Variants in CCDC85B observed in about 807,000 individuals in gnomAD.
CCDC85B encodes the protein coiled-coil domain-containing protein 85B.
In CCDC85B, 8 loss-of-function variants were observed where a neutral mutation model predicts 13.6. The ratio of observed to expected loss-of-function variants is 0.59; its 90% CI spans 0.35 to 1.06. The LOEUF is 1.06. Among genes scored for constraint, CCDC85B ranks in the 50% least tolerant of loss-of-function variants. The pLI, the probability that CCDC85B is intolerant of heterozygous loss-of-function variation, is 0.02. For missense variants in CCDC85B, 217 were observed against 285.9 expected (o/e 0.76, Z 1.74); for synonymous variants, 118 against 135.9 (o/e 0.87, Z 0.92).
chr11:65,891,573 A>G lies in CCDC85B; in HGVS notation c.*181A>G, dbSNP rs1311258225. The G allele has an allele frequency of 1.2e-5, 8 of 666,936 alleles. No individual in the cohort carries two copies. The highest frequency in any genetic ancestry group is 1.6e-5 in the Non-Finnish European group (7 of 432,110). The allele number at this position is 666,936 out of a possible 1,614,324, so 41.3% of individuals were successfully genotyped here. A position where few individuals can be genotyped will look rare whatever the true frequency, so the allele number is the denominator to read the frequency against. On this transcript the variant is annotated 3_prime_UTR_variant, in exon 1 of 1. Coordinates refer to ENST00000312579, the MANE Select transcript of CCDC85B (RefSeq NM_006848.3). This position sits in a 1 kb window ranked among gnomAD's most constrained non-coding sequence, Gnocchi z 7.3. Reference sequence around the variant, plus strand: ...GCTGGCAGGGCAGCAGGGGGACTGAAGGCTGGAGCGGAGGGACTTGCTGGG... The same window carrying G: ...GCTGGCAGGGCAGCAGGGGGACTGAGGGCTGGAGCGGAGGGACTTGCTGGG...
At position 65,890,739 on chromosome 11, in the gene CCDC85B, G is replaced by A; in HGVS notation, c.-45G>A. 1.5e-6 allele frequency: 2 copies of A among 1,370,040 alleles called. No homozygotes were observed. The highest frequency in any genetic ancestry group is 1.9e-6 in the Non-Finnish European group (2 of 1,069,188). The allele number at this position is 1,370,040 out of a possible 1,614,324, so 84.9% of individuals were successfully genotyped here. A position where few individuals can be genotyped will look rare whatever the true frequency, so the allele number is the denominator to read the frequency against. ...GCGCCGGGCCCGACGTGGGGCTCCTGGGCCGCGGCGGCGGGCGGGCGATGC... is the reference window on the plus strand; with the variant it reads ...GCGCCGGGCCCGACGTGGGGCTCCTAGGCCGCGGCGGCGGGCGGGCGATGC... On this transcript the variant is annotated 5_prime_UTR_variant, in exon 1 of 1. Transcript: ENST00000312579.
In CCDC85B at chr11:65,890,778, C is replaced by G. The variant is rs1488259328; in HGVS notation, c.-6C>G. 4.1e-6 allele frequency: 6 copies of G among 1,462,304 alleles called. No homozygotes were observed. Among genetic ancestry groups the G allele is most frequent in the Non-Finnish European group, 5.4e-6 (6 of 1,115,790 alleles). 90.6% of individuals were successfully genotyped at this position (1,462,304 alleles called of 1,614,324 possible). Reference sequence around the variant, plus strand: ...GGCGGGCGATGCTCCAGAGGCCTGACCAGCCATGGAGGCCGAGGCAGGCGG... The same window carrying G: ...GGCGGGCGATGCTCCAGAGGCCTGAGCAGCCATGGAGGCCGAGGCAGGCGG... On this transcript the variant is annotated 5_prime_UTR_variant, in exon 1 of 1. Transcript: ENST00000312579.
Position 65,891,440 on chromosome 11 carries a change from C to T in CCDC85B, c.*48C>T, listed in dbSNP as rs759013529. On this transcript the variant is annotated 3_prime_UTR_variant, in exon 1 of 1. Transcript: ENST00000312579. This position sits in a 1 kb window ranked among gnomAD's most constrained non-coding sequence, Gnocchi z 7.3. ...ACGCCCGCCCGGATTGCTCCCCGAG[C>T]CCCGGGACCGCTGTGGACCTCGGGA... 1.2e-5 allele frequency: 18 copies of T among 1,510,354 alleles called. No individual in the cohort carries two copies. In the African/African-American group the frequency reaches 2.5e-4, roughly 21 times the overall value. The allele number at this position is 1,510,354 out of a possible 1,614,324, so 93.6% of individuals were successfully genotyped here. A position where few individuals can be genotyped will look rare whatever the true frequency, so the allele number is the denominator to read the frequency against.
Position 65,890,733 on chromosome 11 carries a change from G to T in CCDC85B, c.-51G>T. On this transcript the variant is annotated 5_prime_UTR_variant, in exon 1 of 1. Coordinates refer to ENST00000312579, the MANE Select transcript of CCDC85B (RefSeq NM_006848.3). ...TGAGTGGCGCCGGGCCCGACGTGGG[G>T]CTCCTGGGCCGCGGCGGCGGGCGGG... 7.3e-7 allele frequency: 1 copy of T among 1,361,694 alleles called. No homozygotes were observed. The highest frequency in any genetic ancestry group is 9.4e-7 in the Non-Finnish European group (1 of 1,063,970). 84.4% of individuals were successfully genotyped at this position (1,361,694 alleles called of 1,614,324 possible).
rs922914305 is a variant in CCDC85B, at chr11:65,891,119, C to T, written c.336C>T (p.Asp112=). ...GTQASRAVRE[D]LGGCWQKLAE... ...AAGCATCCCGGGCCGTGCGCGAGGA[C>T]CTGGGCGGCTGTTGGCAGAAGCTGG... The change falls in exon 1 of 1, where the codon GAC becomes GAT. Residue 112 remains aspartate (D), a synonymous_variant. Transcript: ENST00000312579. This position sits in a 1 kb window ranked among gnomAD's most constrained non-coding sequence, Gnocchi z 7.3. 5.1e-6 allele frequency: 8 copies of T among 1,571,330 alleles called. No homozygotes were observed. The highest frequency in any genetic ancestry group is 6.0e-6 in the Non-Finnish European group (7 of 1,163,386).
In CCDC85B at chr11:65,890,884, C is replaced by T. The variant is rs997190115; in HGVS notation, c.101C>T (p.Ala34Val). The change falls in exon 1 of 1, where the codon GCG becomes GTG. Residue 34 changes from alanine to valine, a missense_variant. By Grantham distance (64) the Ala-to-Val change is moderately conservative. Transcript: ENST00000312579. ...LVRRLRREEA[A>V]RLAALVQRGR... ...CGGCGCCTGCGGCGGGAGGAGGCGG[C>T]GCGCCTGGCGGCACTGGTGCAGCGC... The T allele has an allele frequency of 2.0e-6, 3 of 1,516,592 alleles. No homozygotes were observed. The highest frequency in any genetic ancestry group is 2.5e-5 in the East Asian group (1 of 39,924). 93.9% of individuals were successfully genotyped at this position (1,516,592 alleles called of 1,614,324 possible). A position where few individuals can be genotyped will look rare whatever the true frequency, so the allele number is the denominator to read the frequency against.
Position 65,891,445 on chromosome 11 carries a change from G to A in CCDC85B, c.*53G>A. ...CGCCCGGATTGCTCCCCGAGCCCCG[G>A]GACCGCTGTGGACCTCGGGACCTGG... On this transcript the variant is annotated 3_prime_UTR_variant, in exon 1 of 1. Transcript: ENST00000312579. This position sits in a 1 kb window ranked among gnomAD's most constrained non-coding sequence, Gnocchi z 7.3. 1 of 1,484,806 alleles carries A rather than the reference G, an allele frequency of 6.7e-7. No individual in the cohort carries two copies. 92.0% of individuals were successfully genotyped at this position (1,484,806 alleles called of 1,614,324 possible). A position where few individuals can be genotyped will look rare whatever the true frequency, so the allele number is the denominator to read the frequency against.
chr11:65,890,707 CT>C lies in CCDC85B; in HGVS notation c.-76del. On this transcript the variant is annotated 5_prime_UTR_variant, in exon 1 of 1. Coordinates refer to ENST00000312579, the MANE Select transcript of CCDC85B (RefSeq NM_006848.3). ...CCGCGTGCGGAGCCGGAGCCCGAGC[CT>C]GAGTGGCGCCGGGCCCGACGTGGGG... The C allele has an allele frequency of 2.2e-6, 3 of 1,339,302 alleles. No homozygotes were observed. Among genetic ancestry groups the C allele is most frequent in the South Asian group, 3.7e-5 (2 of 54,358 alleles). The allele number at this position is 1,339,302 out of a possible 1,614,324, so 83.0% of individuals were successfully genotyped here.
chr11:65,890,967 G>A lies in CCDC85B; in HGVS notation c.184G>A (p.Glu62Lys). The A allele has an allele frequency of 6.5e-7, 1 of 1,532,200 alleles. No individual in the cohort carries two copies. Among genetic ancestry groups the A allele is most frequent in the South Asian group, 1.2e-5 (1 of 83,560 alleles). The allele number at this position is 1,532,200 out of a possible 1,614,324, so 94.9% of individuals were successfully genotyped here. ...GCAGGGCCACCTGGGCGAGATCCGC[G>A]AGCTCAAGCAGCTCAACCGGCGTCT... ...QLQGHLGEIR[E>K]LKQLNRRLQA... Residue 62 changes from glutamate (E) to lysine (K), a missense_variant, in exon 1 of 1, where the codon GAG (glutamate) becomes AAG (lysine). Transcript: ENST00000312579.
rs968335527 is a variant in CCDC85B, at chr11:65,890,674, A to G, written c.-110A>G. ...TGCTGCAGCCTACGCTGCCTCGGCC[A>G]CTGCCTGCCGCGTGCGGAGCCGGAG... On this transcript the variant is annotated 5_prime_UTR_variant, in exon 1 of 1. Transcript: ENST00000312579. 5.2e-5 allele frequency: 64 copies of G among 1,234,910 alleles called. No individual in the cohort carries two copies. The highest frequency in any genetic ancestry group is 6.3e-5 in the Non-Finnish European group (61 of 970,970). The allele number at this position is 1,234,910 out of a possible 1,614,324, so 76.5% of individuals were successfully genotyped here. A position where few individuals can be genotyped will look rare whatever the true frequency, so the allele number is the denominator to read the frequency against.
rs946371208 is a variant in CCDC85B, at chr11:65,891,599, G to A, written c.*207G>A. 1.1e-5 allele frequency: 6 copies of A among 553,212 alleles called. No individual in the cohort carries two copies. The highest frequency in any genetic ancestry group is 1.8e-5 in the Non-Finnish European group (6 of 331,116). The allele number at this position is 553,212 out of a possible 1,614,324, so 34.3% of individuals were successfully genotyped here. The stretch of plus-strand genomic sequence containing the variant: ...GGCTGGAGCGGAGGGACTTGCTGGG[G>A]GTTGGATTGGGGGTAATAAACCCGG... On this transcript the variant is annotated 3_prime_UTR_variant, in exon 1 of 1. Coordinates refer to ENST00000312579, the MANE Select transcript of CCDC85B (RefSeq NM_006848.3). This position sits in a 1 kb window ranked among gnomAD's most constrained non-coding sequence, Gnocchi z 7.3.
chr11:65,891,304 G>T lies in CCDC85B; in HGVS notation c.521G>T (p.Gly174Val). 1.3e-6 allele frequency: 2 copies of T among 1,588,602 alleles called. No homozygotes were observed. Among genetic ancestry groups the T allele is most frequent in the East Asian group, 2.4e-5 (1 of 41,994 alleles). ...CCCGAGCTTGCCTTGCCCCCGTGCG[G>T]GCCCCGCGACCTAGGCGATGGAAGC... The part of the protein sequence containing the change: ...PAPELALPPC[G>V]PRDLGDGSSS... Residue 174 changes from glycine (G) to valine (V), a missense_variant, in exon 1 of 1, where the codon GGG becomes GTG. By Grantham distance (109) the Gly-to-Val change is moderately radical. Transcript: ENST00000312579. This position sits in a 1 kb window ranked among gnomAD's most constrained non-coding sequence, Gnocchi z 7.3.
In CCDC85B at chr11:65,891,454, T is replaced by G; in HGVS notation, c.*62T>G. The G allele has an allele frequency of 1.4e-6, 2 of 1,480,352 alleles. No individual in the cohort carries two copies. The highest frequency in any genetic ancestry group is 9.0e-7 in the Non-Finnish European group (1 of 1,116,730). 91.7% of individuals were successfully genotyped at this position (1,480,352 alleles called of 1,614,324 possible). On this transcript the variant is annotated 3_prime_UTR_variant, in exon 1 of 1. Coordinates refer to ENST00000312579, the MANE Select transcript of CCDC85B (RefSeq NM_006848.3). The surrounding 1 kb of genome is among the most constrained non-coding windows in gnomAD (Gnocchi z 7.3). Reference sequence around the variant, plus strand: ...TGCTCCCCGAGCCCCGGGACCGCTGTGGACCTCGGGACCTGGACGCCGTCC... The same window carrying G: ...TGCTCCCCGAGCCCCGGGACCGCTGGGGACCTCGGGACCTGGACGCCGTCC...
Position 65,891,216 on chromosome 11 carries a change from G to A in CCDC85B, c.433G>A (p.Gly145Ser). Reference protein sequence around the residue: ...LALKELCLALGEEWGPRGGPS... With the variant: ...LALKELCLALSEEWGPRGGPS... ...GCTTAAGGAGCTCTGCCTGGCGCTG[G>A]GCGAAGAATGGGGCCCCCGCGGCGG... The change falls in exon 1 of 1, where the codon GGC becomes AGC. Residue 145 changes from glycine (G) to serine (S), a missense_variant. Transcript: ENST00000312579. This position sits in a 1 kb window ranked among gnomAD's most constrained non-coding sequence, Gnocchi z 7.3. 6.6e-7 allele frequency: 1 copy of A among 1,510,848 alleles called. No individual in the cohort carries two copies. Among genetic ancestry groups the A allele is most frequent in the Non-Finnish European group, 8.8e-7 (1 of 1,132,972 alleles). 93.6% of individuals were successfully genotyped at this position (1,510,848 alleles called of 1,614,324 possible). A position where few individuals can be genotyped will look rare whatever the true frequency, so the allele number is the denominator to read the frequency against.
At position 65,891,108 on chromosome 11, in the gene CCDC85B, G is replaced by T; in HGVS notation, c.325G>T (p.Val109Leu). The T allele has an allele frequency of 6.4e-7, 1 of 1,570,734 alleles. No individual in the cohort carries two copies. ...QLFGTQASRA[V>L]REDLGGCWQK... Reference sequence around the variant, plus strand: ...CTTCGGGACCCAAGCATCCCGGGCCGTGCGCGAGGACCTGGGCGGCTGTTG... The same window carrying T: ...CTTCGGGACCCAAGCATCCCGGGCCTTGCGCGAGGACCTGGGCGGCTGTTG... The change falls in exon 1 of 1, where the codon GTG (valine) becomes TTG (leucine). Residue 109 changes from valine (V) to leucine (L), a missense_variant. Physicochemically the swap from Val to Leu is conservative, Grantham distance 32. Transcript: ENST00000312579. The surrounding 1 kb of genome is among the most constrained non-coding windows in gnomAD (Gnocchi z 7.3).
rs1346913172 is a variant in CCDC85B at position 65,891,619 on chromosome 11, A to G, written c.*227A>G. 2.1e-6 allele frequency: 1 copy of G among 472,886 alleles called. No homozygotes were observed. The highest frequency in any genetic ancestry group is 3.7e-6 in the Non-Finnish European group (1 of 273,000). 29.3% of individuals were successfully genotyped at this position (472,886 alleles called of 1,614,324 possible). Reference sequence around the variant, plus strand: ...CTGGGGGTTGGATTGGGGGTAATAAACCCGGACGGAAGCGGAGCCCACGGC... The same window carrying G: ...CTGGGGGTTGGATTGGGGGTAATAAGCCCGGACGGAAGCGGAGCCCACGGC... On this transcript the variant is annotated 3_prime_UTR_variant, in exon 1 of 1. Coordinates refer to ENST00000312579, the MANE Select transcript of CCDC85B (RefSeq NM_006848.3). The surrounding 1 kb of genome is among the most constrained non-coding windows in gnomAD (Gnocchi z 7.3).
In CCDC85B at chr11:65,891,160, G is replaced by T; in HGVS notation, c.377G>T (p.Arg126Leu). The change falls in exon 1 of 1, where the codon CGC (arginine) becomes CTC (leucine). Residue 126 changes from arginine (R) to leucine (L), a missense_variant. Transcript: ENST00000312579. The surrounding 1 kb of genome is among the most constrained non-coding windows in gnomAD (Gnocchi z 7.3). ...CWQKLAELEGRQEELLRENLA... is the reference protein window; with the variant it reads ...CWQKLAELEGLQEELLRENLA... ...CAGAAGCTGGCCGAGCTGGAGGGCC[G>T]CCAGGAGGAGCTGCTGCGGGAGAAC... The T allele has an allele frequency of 6.4e-7, 1 of 1,552,622 alleles. No homozygotes were observed. The highest frequency in any genetic ancestry group is 1.2e-5 in the South Asian group (1 of 83,822).
chr11:65,891,140 G>A lies in CCDC85B; in HGVS notation c.357G>A (p.Lys119=), dbSNP rs1860378930. The change falls in exon 1 of 1, where the codon AAG becomes AAA. Residue 119 remains lysine (K), a synonymous_variant. Coordinates refer to ENST00000312579, the MANE Select transcript of CCDC85B (RefSeq NM_006848.3). The surrounding 1 kb of genome is among the most constrained non-coding windows in gnomAD (Gnocchi z 7.3). The part of the protein sequence containing the change: ...VREDLGGCWQ[K]LAELEGRQEE... ...AGGACCTGGGCGGCTGTTGGCAGAAGCTGGCCGAGCTGGAGGGCCGCCAGG... is the reference window on the plus strand; with the variant it reads ...AGGACCTGGGCGGCTGTTGGCAGAAACTGGCCGAGCTGGAGGGCCGCCAGG... 2 of 1,565,442 alleles carry A rather than the reference G, an allele frequency of 1.3e-6. No homozygotes were observed. The highest frequency in any genetic ancestry group is 1.7e-6 in the Non-Finnish European group (2 of 1,159,486).
Position 65,891,080 on chromosome 11 carries a change from G to C in CCDC85B, c.297G>C (p.Gln99His). The change falls in exon 1 of 1, where the codon CAG becomes CAC. Residue 99 changes from glutamine to histidine, a missense_variant. Transcript: ENST00000312579. The surrounding 1 kb of genome is among the most constrained non-coding windows in gnomAD (Gnocchi z 7.3). Reference protein sequence around the residue: ...QRGRRAARQWQLFGTQASRAV... With the variant: ...QRGRRAARQWHLFGTQASRAV... ...GGCGGCGCGCCGCACGCCAGTGGCAGCTCTTCGGGACCCAAGCATCCCGGG... is the reference window on the plus strand; with the variant it reads ...GGCGGCGCGCCGCACGCCAGTGGCACCTCTTCGGGACCCAAGCATCCCGGG... The C allele has an allele frequency of 1.3e-6, 2 of 1,565,818 alleles. No homozygotes were observed. The highest frequency in any genetic ancestry group is 1.7e-6 in the Non-Finnish European group (2 of 1,162,638).
Sources: gnomAD v4.1 joint callset for allele counts on GRCh38, gnomAD v4.1.1 for gene constraint, Gnocchi (gnomAD v3.1) non-coding constraint, MANE v1.5 for transcripts, NCBI Gene and HGNC (gene_info 2026-07-23, HGNC 2026-07-21) for gene names.